The following XKR9 variants were observed in gnomAD, a reference collection of about 807,000 sequenced individuals.
XKR9 encodes the protein XK-related protein 9.
Under a neutral mutation model 32.0 loss-of-function variants are expected in XKR9, and 32 were observed. The observed-to-expected ratio is 1.00, with a 90% CI of 0.76 to 1.34. The LOEUF (loss-of-function observed/expected upper bound fraction) is 1.34. Ranked by LOEUF, XKR9 falls within the 40% of genes most tolerant of loss-of-function variation. The pLI is 0.00. For missense variants in XKR9, 546 were observed against 429.7 expected (o/e 1.27, Z -2.39); for synonymous variants, 168 against 143.4 (o/e 1.17, Z -1.22).
At chr8:70,721,230 G>C (rs1806270741) in intron 4 of XKR9, among the ~76,000 whole-genome samples, 1 of 151,806 alleles carries the variant, frequency 6.6e-6, no homozygotes, top group Non-Finnish European at 1.5e-5. Flanking sequence ...TATCTATTTT[G>C]TTAATCTTTT....
the XKR9 span, among the ~76,000 whole-genome samples, chr8:70,944,151 A>C: frequency 6.6e-6 from 1 of 152,130 alleles, no homozygotes; most frequent in Admixed American, 6.5e-5. Context: ...CCAAAAAAAA[A>C]ATAATTGTTT....
chr8:70,902,165 G>A, the XKR9 span, among the ~76,000 whole-genome samples: 1 of 152,050 alleles, frequency 6.6e-6, no homozygotes, highest in African/African-American at 2.4e-5. Flanking sequence ...TGAACTTTAA[G>A]GTAGTTTTTT....
intron 4 of XKR9, among the ~76,000 whole-genome samples, chr8:70,732,250 C>T (rs1806694251): frequency 1.3e-5 from 2 of 152,222 alleles, no homozygotes; most frequent in African/African-American, 4.8e-5. Flanking sequence ...GCCTAGGATA[C>T]TCACCAAACC....
the XKR9 span, among the ~76,000 whole-genome samples, chr8:70,802,744 T>G: frequency 2.0e-5 from 3 of 152,212 alleles, no homozygotes; most frequent in Non-Finnish European, 4.4e-5. Flanking sequence ...TGAAGTTTAG[T>G]TTGGTTGGAT....
At chr8:70,966,671 C>T in the XKR9 span, among the ~76,000 whole-genome samples, 2 of 152,172 alleles carry the variant, frequency 1.3e-5, no homozygotes, top group African/African-American at 4.8e-5. Flanking sequence ...TCCTGAATAT[C>T]TTTGTTAATT....
At chr8:70,817,272 TA>T in the XKR9 span, among the ~76,000 whole-genome samples, 1 of 152,152 alleles carries the variant, frequency 6.6e-6, no homozygotes, top group African/African-American at 2.4e-5. Flanking sequence ...ATGACTTCAG[TA>T]AAGTTCCAAG....
intron 3 of XKR9, among the ~76,000 whole-genome samples, chr8:70,690,804 C>G (rs1278181427): frequency 1.3e-5 from 2 of 152,076 alleles, no homozygotes; most frequent in African/African-American, 4.8e-5. Context: ...ATATATAACA[C>G]ATTTTCTTTA....
the XKR9 span, among the ~76,000 whole-genome samples, chr8:70,814,304 A>G: frequency 6.6e-6 from 1 of 152,030 alleles, no homozygotes; most frequent in Non-Finnish European, 1.5e-5. Flanking sequence ...GGGTGGGGGA[A>G]AGGGGGAGGG....
intron 2 of XKR9, among the ~76,000 whole-genome samples, chr8:70,788,604 G>T (rs187219638): frequency 6.6e-6 from 1 of 152,042 alleles, no homozygotes; most frequent in Non-Finnish European, 1.5e-5. Context: ...AAAAGCAATA[G>T]CATATATAGT....
chr8:70,766,390 G>T (rs1020571739), intron 2 of XKR9, among the ~76,000 whole-genome samples: 2 of 152,136 alleles, frequency 1.3e-5, no homozygotes, highest in Non-Finnish European at 2.9e-5. Flanking sequence ...GTTCACTCAT[G>T]ATTTGACTCT....
At chr8:70,846,873 C>A in the XKR9 span, among the ~76,000 whole-genome samples, 1 of 151,936 alleles carries the variant, frequency 6.6e-6, no homozygotes, top group Non-Finnish European at 1.5e-5. Flanking sequence ...AGGGAGAGAT[C>A]AACTACAATA....
chr8:70,752,819 G>T (rs1807161149), intron 2 of XKR9, among the ~76,000 whole-genome samples: 1 of 152,058 alleles, frequency 6.6e-6, no homozygotes, highest in Admixed American at 6.6e-5. Context: ...AAGCAGGAAA[G>T]ATCAAAAATT....
chr8:70,847,696 A>AT, the XKR9 span, among the ~76,000 whole-genome samples: 1 of 151,942 alleles, frequency 6.6e-6, no homozygotes, highest in Non-Finnish European at 1.5e-5. Flanking sequence ...ATGTTCAACT[A>AT]TACATCAGAA....
the XKR9 span, among the ~76,000 whole-genome samples, chr8:70,813,759 G>A: frequency 6.6e-6 from 1 of 152,190 alleles, no homozygotes; most frequent in Admixed American, 6.5e-5. Flanking sequence ...TCTCACACCA[G>A]TTAGAATGGC....
chr8:70,763,174 CTT>C (rs10571492), intron 2 of XKR9, among the ~76,000 whole-genome samples: 50,153 of 151,936 alleles, frequency 0.33, 9,370 homozygotes, highest in Non-Finnish European at 0.43. Flanking sequence ...ATTAAGGGGT[CTT>C]TGATAGTATA....
chr8:70,850,707 G>A, the XKR9 span, among the ~76,000 whole-genome samples: 2 of 152,064 alleles, frequency 1.3e-5, no homozygotes, highest in African/African-American at 4.8e-5. Context: ...CTTGATAGAT[G>A]CAGAAAAGGC....
At chr8:70,888,729 G>T in the XKR9 span, among the ~76,000 whole-genome samples, 4 of 151,934 alleles carry the variant, frequency 2.6e-5, no homozygotes, top group African/African-American at 4.8e-5. Context: ...CCTAATAAAT[G>T]TTCTTGGCAC....
At chr8:70,880,060 G>A in the XKR9 span, among the ~76,000 whole-genome samples, 1 of 152,102 alleles carries the variant, frequency 6.6e-6, no homozygotes, top group Non-Finnish European at 1.5e-5. Context: ...AAAGGCCTTT[G>A]ACAAAATTCA....
At chr8:70,930,251 A>G in the XKR9 span, among the ~76,000 whole-genome samples, 1 of 152,282 alleles carries the variant, frequency 6.6e-6, no homozygotes, top group East Asian at 1.9e-4. Context: ...TGCTCTGGTT[A>G]AGATGAGGTA....
Sources: gnomAD v4.1 joint callset for allele counts (sites outside exome capture counted in the v4.1 genomes callset) on GRCh38, gnomAD v4.1.1 for gene constraint, MANE v1.5 for transcripts, NCBI Gene and HGNC (gene_info 2026-07-23, HGNC 2026-07-21) for gene names.